The following PARD3 variants were observed in gnomAD, a reference collection of about 807,000 sequenced individuals.
PARD3 encodes partitioning defective 3 homolog.
PARD3 carries 75 observed loss-of-function variants against 155.4 expected under a neutral mutation model. That is an observed-to-expected ratio of 0.48 (90% confidence interval 0.40 to 0.58). PARD3 has a LOEUF of 0.58. Ranked by LOEUF, PARD3 falls within the 20% of genes least tolerant of loss-of-function variation. The pLI is 0.00. For missense variants in PARD3, 1,642 were observed against 1,721.7 expected (o/e 0.95, Z 0.82); for synonymous variants, 576 against 610.5 (o/e 0.94, Z 0.83).
At chr10:34,467,329 TTGTGTGTG>T (rs61218571) in intron 4 of PARD3, among the ~76,000 whole-genome samples, 23 of 147,086 alleles carry the variant, frequency 1.6e-4, no homozygotes, top group African/African-American at 4.0e-4. Flanking sequence ...TGACTCCAAC[TTGTGTGTG>T]TGTGTGTGTG....
chr10:34,348,542 G>A (rs1378203587), intron 14 of PARD3, among the ~76,000 whole-genome samples: 1 of 152,124 alleles, frequency 6.6e-6, no homozygotes, highest in Non-Finnish European at 1.5e-5. Flanking sequence ...TAAACTTATG[G>A]TATGTAAATA....
At chr10:34,628,494 G>A (rs1056612572) in intron 2 of PARD3, among the ~76,000 whole-genome samples, 1 of 152,202 alleles carries the variant, frequency 6.6e-6, no homozygotes, top group South Asian at 2.1e-4. Context: ...CCCAAGAATC[G>A]CCAATGCTCA....
At chr10:34,209,820 T>C (rs1338580788) in intron 22 of PARD3, among the ~76,000 whole-genome samples, 1 of 152,240 alleles carries the variant, frequency 6.6e-6, no homozygotes, top group African/African-American at 2.4e-5. Context: ...TTATTAGTTA[T>C]CATTAACATT....
intron 2 of PARD3, among the ~76,000 whole-genome samples, chr10:34,558,226 C>T (rs999927914): frequency 3.9e-4 from 60 of 152,116 alleles, no homozygotes; most frequent in African/African-American, 1.3e-3. Context: ...GAATCTACTA[C>T]CGCTATTTCA....
intron 22 of PARD3, among the ~76,000 whole-genome samples, chr10:34,176,548 T>C (rs996275551): frequency 2.0e-5 from 3 of 152,160 alleles, no homozygotes; most frequent in Non-Finnish European, 2.9e-5. Context: ...ACGAAAATAA[T>C]GGCCCCAGTG....
chr10:34,798,041 T>C (rs12260292), intron 1 of PARD3, among the ~76,000 whole-genome samples: 2,583 of 152,004 alleles, frequency 0.017, 63 homozygotes, highest in African/African-American at 0.059. Context: ...ATATACAGAC[T>C]GGATATGGTA....
intron 19 of PARD3, among the ~76,000 whole-genome samples, chr10:34,320,676 A>G (rs1958317380): frequency 2.0e-5 from 3 of 152,214 alleles, no homozygotes; most frequent in Non-Finnish European, 4.4e-5. Context: ...CTTATTTTCT[A>G]AAGTATGTGA....
chr10:34,587,286 C>G (rs2088170731), intron 2 of PARD3, among the ~76,000 whole-genome samples: 1 of 152,044 alleles, frequency 6.6e-6, no homozygotes, highest in Non-Finnish European at 1.5e-5. Flanking sequence ...GCACACCTGG[C>G]TAATTTTTAT....
intron 2 of PARD3, among the ~76,000 whole-genome samples, chr10:34,566,282 A>C (rs1225466478): frequency 6.6e-6 from 1 of 152,254 alleles, no homozygotes; most frequent in East Asian, 1.9e-4. Context: ...TATACAAGTC[A>C]TTCAAAGCAT....
intron 3 of PARD3, among the ~76,000 whole-genome samples, chr10:34,478,621 G>A (rs2078867146): frequency 6.6e-6 from 1 of 152,148 alleles, no homozygotes; most frequent in Non-Finnish European, 1.5e-5. Context: ...TCGGCTCACT[G>A]CAACCTCCGC....
chr10:34,502,130 T>C (rs764988826), intron 3 of PARD3, among the ~76,000 whole-genome samples: 1 of 152,200 alleles, frequency 6.6e-6, no homozygotes, highest in Non-Finnish European at 1.5e-5. Flanking sequence ...TGGTTGTTTA[T>C]CAGCCACCCA....
At chr10:34,123,822 A>C (rs1023987765) in intron 23 of PARD3, among the ~76,000 whole-genome samples, 1 of 152,178 alleles carries the variant, frequency 6.6e-6, no homozygotes, top group African/African-American at 2.4e-5. Flanking sequence ...GAAAATACAA[A>C]ACGAAATATT....
chr10:34,214,502 G>A (rs562391588), intron 22 of PARD3, among the ~76,000 whole-genome samples: 45 of 152,116 alleles, frequency 3.0e-4, no homozygotes, highest in Non-Finnish European at 6.2e-4. Context: ...GCCTCCCTTT[G>A]GCTCTTCCTT....
intron 5 of PARD3, among the ~76,000 whole-genome samples, chr10:34,425,452 G>A (rs566334563): frequency 1.3e-5 from 2 of 152,218 alleles, no homozygotes; most frequent in South Asian, 4.2e-4. Context: ...GTCTCGCTCT[G>A]TGGCACAATC....
intron 18 of PARD3, among the ~76,000 whole-genome samples, chr10:34,332,996 C>A (rs947963036): frequency 6.6e-6 from 1 of 152,080 alleles, no homozygotes; most frequent in Non-Finnish European, 1.5e-5. Context: ...GGATATTTAC[C>A]TTTATAGTTC....
At chr10:34,133,961 C>T (rs1947751534) in intron 22 of PARD3, among the ~76,000 whole-genome samples, 1 of 152,132 alleles carries the variant, frequency 6.6e-6, no homozygotes, top group South Asian at 2.1e-4. Flanking sequence ...TCTTTCTTTG[C>T]TTTTCTTCTG....
chr10:34,628,687 C>A (rs2092110360), intron 2 of PARD3, among the ~76,000 whole-genome samples: 1 of 152,190 alleles, frequency 6.6e-6, no homozygotes, highest in African/African-American at 2.4e-5. Flanking sequence ...GACAGCCACA[C>A]TGCGCAGCAC....
chr10:34,205,077 G>A (rs1951408030), intron 22 of PARD3, among the ~76,000 whole-genome samples: 1 of 152,280 alleles, frequency 6.6e-6, no homozygotes, highest in South Asian at 2.1e-4. Context: ...ACAACACACT[G>A]TAAACCTTTG....
chr10:34,730,972 T>C (rs2094806491), intron 1 of PARD3, among the ~76,000 whole-genome samples: 1 of 152,224 alleles, frequency 6.6e-6, no homozygotes. Flanking sequence ...TATATAGCTC[T>C]ATTAGTGTAA....
Sources: allele counts gnomAD v4.1 joint callset (sites outside exome capture counted in the v4.1 genomes callset), GRCh38; gene constraint gnomAD v4.1.1; transcripts MANE v1.5; gene names NCBI Gene and HGNC (gene_info 2026-07-23, HGNC 2026-07-21).